Variants in METTL15 observed in about 807,000 individuals in gnomAD.
The protein encoded by METTL15 is 12S rRNA N(4)-cytidine methyltransferase METTL15.
A neutral mutation model predicts 38.3 loss-of-function variants in METTL15; 34 were observed. The ratio of observed to expected loss-of-function variants is 0.89; its 90% CI spans 0.68 to 1.18. The LOEUF is 1.18. Ranked by LOEUF, METTL15 falls within the 50% of genes most tolerant of loss-of-function variation. The pLI, the probability that METTL15 is intolerant of heterozygous loss-of-function variation, is 0.00. For missense variants in METTL15, 438 were observed against 498.4 expected (o/e 0.88, Z 1.15); for synonymous variants, 162 against 170.9 (o/e 0.95, Z 0.41).
intron 6 of METTL15, among the ~76,000 whole-genome samples, chr11:28,308,872 TTAGA>T (rs1193477118): frequency 6.9e-6 from 1 of 144,500 alleles, no homozygotes; most frequent in Admixed American, 7.2e-5. Context: ...GAAAGAAAGA[TTAGA>T]TAGATAGGTA....
intron 6 of METTL15, among the ~76,000 whole-genome samples, chr11:28,495,524 A>G (rs1482266452): frequency 1.3e-5 from 2 of 152,140 alleles, no homozygotes; most frequent in African/African-American, 4.8e-5. Flanking sequence ...TGGCTTTCCT[A>G]TCCAACTGTG....
In METTL15 at chr11:28,113,547, A is replaced by G. The variant is rs1851812094; in HGVS notation, c.213A>G (p.Leu71=). Residue 71 remains leucine (L), a synonymous_variant, in exon 3 of 7, where the codon TTA becomes TTG. Transcript: ENST00000407364. ...GAGATTTTGAAACTATGGCTAAATT[A>G]CATATTCCAGTAATGGTGGATGAAG... ...QDRDFETMAK[L]HIPVMVDEVV... 3.7e-6 allele frequency: 6 copies of G among 1,613,680 alleles called. No homozygotes were observed. The highest frequency in any genetic ancestry group is 5.1e-6 in the Non-Finnish European group (6 of 1,179,854).
At chr11:28,414,499 A>G (rs1850756814) in intron 5 of METTL15, among the ~76,000 whole-genome samples, 1 of 152,132 alleles carries the variant, frequency 6.6e-6, no homozygotes, top group Non-Finnish European at 1.5e-5. Flanking sequence ...CAAGGAATAG[A>G]GCCAACACAC....
intron 4 of METTL15, among the ~76,000 whole-genome samples, chr11:28,243,039 C>G (rs1025199660): frequency 4.0e-5 from 6 of 150,720 alleles, no homozygotes; most frequent in African/African-American, 1.5e-4. Context: ...AATGAGAGAC[C>G]TTATTGAGGG....
intron 6 of METTL15, among the ~76,000 whole-genome samples, chr11:28,501,254 G>A (rs1473816513): frequency 6.6e-6 from 1 of 152,110 alleles, no homozygotes; most frequent in Non-Finnish European, 1.5e-5. Flanking sequence ...AAGAATGTTT[G>A]GTGATTTAAA....
At chr11:28,530,670 G>A (rs918348621), downstream of METTL15, among the ~76,000 whole-genome samples, 1 of 151,952 alleles carries the variant, frequency 6.6e-6, no homozygotes, top group Non-Finnish European at 1.5e-5. Flanking sequence ...CTGCTACAGG[G>A]CAGCTCTAGA....
At chr11:28,372,267 T>C (rs1461947826) in intron 5 of METTL15, among the ~76,000 whole-genome samples, 1 of 152,070 alleles carries the variant, frequency 6.6e-6, no homozygotes, top group Non-Finnish European at 1.5e-5. Context: ...GTTAATGTGA[T>C]GTATTATGTT....
At chr11:28,255,183 T>A (rs2133929614) in intron 4 of METTL15, among the ~76,000 whole-genome samples, 1 of 152,292 alleles carries the variant, frequency 6.6e-6, no homozygotes, top group Admixed American at 6.5e-5. Flanking sequence ...TTTCACTACT[T>A]TGGTTAAATT....
At chr11:28,287,665 AT>A (rs1181408896) in intron 4 of METTL15, 2 of 153,720 alleles carry the variant, frequency 1.3e-5, no homozygotes, top group African/African-American at 2.4e-5. Context: ...TATTTTTAAT[AT>A]ACATATATAA....
intron 6 of METTL15, among the ~76,000 whole-genome samples, chr11:28,324,151 G>A (rs1045782888): frequency 6.6e-6 from 1 of 152,130 alleles, no homozygotes; most frequent in Non-Finnish European, 1.5e-5. Context: ...GGAAGAAACA[G>A]TTCTGCTATT....
At position 28,475,168 on chromosome 11, in the gene METTL15, G is replaced by A. The variant is rs537144651; in HGVS notation, c.*424+50804G>A. 3.9e-5 allele frequency among the ~76,000 whole-genome samples: 6 copies of A among 152,318 alleles called. No homozygotes were observed. The South Asian group carries it at 6.2e-4, about 16-fold the overall frequency. Reference sequence around the variant, plus strand: ...GGGAAGGTAAACCCACTAGAAAGAAGCTATGGAAGGCTAGAGGCCCTATTA... The same window carrying A: ...GGGAAGGTAAACCCACTAGAAAGAAACTATGGAAGGCTAGAGGCCCTATTA... On this transcript the variant is annotated intron_variant and NMD_transcript_variant, in intron 6 of 7. Coordinates refer to the METTL15 transcript ENST00000532947.
Position 28,236,981 on chromosome 11 carries a change from T to G in METTL15, c.407+25783T>G, listed in dbSNP as rs568915840. Among the ~76,000 whole-genome samples, 302 of 152,324 alleles carry G rather than the reference T, an allele frequency of 2.0e-3. 1 individual carries two copies. Among genetic ancestry groups the G allele is most frequent in the African/African-American group, 6.0e-3 (249 of 41,586 alleles). On this transcript the variant is annotated intron_variant, in intron 4 of 6. Transcript: ENST00000407364. ...TCTGCTGAGAGATCAGCTGTTAGTC[T>G]GATGGGTTTCCCTTTGTGGGTAACC...
intron 6 of METTL15, among the ~76,000 whole-genome samples, chr11:28,297,455 G>T (rs911383940): frequency 1.3e-5 from 2 of 152,066 alleles, no homozygotes; most frequent in African/African-American, 4.8e-5. Flanking sequence ...CTAACAAAGG[G>T]TATATGATGT....
chr11:28,514,164 A>C (rs1290551311), intron 6 of METTL15, among the ~76,000 whole-genome samples: 3 of 152,210 alleles, frequency 2.0e-5, no homozygotes, highest in Non-Finnish European at 4.4e-5. Flanking sequence ...AAAGCCAATC[A>C]GCATTCTTTC....
intron 5 of METTL15, among the ~76,000 whole-genome samples, chr11:28,378,247 C>A (rs1850341678): frequency 6.6e-6 from 1 of 152,234 alleles, no homozygotes; most frequent in Non-Finnish European, 1.5e-5. Context: ...GGGCGCCCCT[C>A]CCCCAGCCTC....
downstream of METTL15, among the ~76,000 whole-genome samples, chr11:28,529,877 A>G (rs1311062805): frequency 1.3e-5 from 2 of 152,146 alleles, no homozygotes; most frequent in Admixed American, 1.3e-4. Flanking sequence ...AAATGTCCTC[A>G]TTGAACTTCT....
intron 3 of METTL15, among the ~76,000 whole-genome samples, chr11:28,196,417 C>T (rs1851911294): frequency 6.6e-6 from 1 of 151,698 alleles, no homozygotes; most frequent in African/African-American, 2.4e-5. Flanking sequence ...GATATTTCAC[C>T]TCCTTGGTTA....
At chr11:28,406,801 G>A (rs2133408870) in intron 5 of METTL15, among the ~76,000 whole-genome samples, 1 of 152,282 alleles carries the variant, frequency 6.6e-6, no homozygotes, top group South Asian at 2.1e-4. Flanking sequence ...TGCCCATTCA[G>A]TATGATATTG....
At chr11:28,237,238 C>T (rs976942980) in intron 4 of METTL15, among the ~76,000 whole-genome samples, 9 of 152,170 alleles carry the variant, frequency 5.9e-5, no homozygotes, top group Non-Finnish European at 1.3e-4. Flanking sequence ...TTCAGGTACA[C>T]CAATCAGATG....
Sources: allele counts gnomAD v4.1 joint callset (sites outside exome capture counted in the v4.1 genomes callset), GRCh38; gene constraint gnomAD v4.1.1; transcripts MANE v1.5; gene names NCBI Gene and HGNC (gene_info 2026-07-23, HGNC 2026-07-21).